RBFOX1: variants seen among roughly 807,000 people sequenced by gnomAD.
RBFOX1 encodes the protein RNA binding protein fox-1 homolog 1.
Under a neutral mutation model 57.7 loss-of-function variants are expected in RBFOX1, and 8 were observed. The ratio of observed to expected loss-of-function variants is 0.14; its 90% CI spans 0.08 to 0.25. The LOEUF (loss-of-function observed/expected upper bound fraction) is 0.25. RBFOX1 is among the 10% of genes least tolerant of loss of function. The pLI is 1.00. For missense variants in RBFOX1, 611 were observed against 548.5 expected (o/e 1.11, Z -1.14); for synonymous variants, 326 against 222.4 (o/e 1.47, Z -4.15).
At chr16:6,450,515 A>T (rs1276849360) in intron 2 of RBFOX1, among the ~76,000 whole-genome samples, 2 of 151,316 alleles carry the variant, frequency 1.3e-5, no homozygotes, top group Admixed American at 6.6e-5. Flanking sequence ...GCCAGCAGGA[A>T]ATGTTGGCCT....
rs181765217 is a variant in RBFOX1, at chr16:6,662,381, A to G, written c.-16+7731A>G. On this transcript the variant is annotated intron_variant, in intron 3 of 15. Transcript: ENST00000550418. ...CACATGTATCAAAAGGTCACATTGT[A>G]TCTGTTAAATATATGCAATTTTTGT... is the stretch of plus-strand genomic sequence containing the variant. 1.5e-3 allele frequency among the ~76,000 whole-genome samples: 236 copies of G among 152,300 alleles called. 1 individual carries two copies. The highest frequency in any genetic ancestry group is 5.5e-3 in the African/African-American group (230 of 41,574).
intron 2 of RBFOX1, among the ~76,000 whole-genome samples, chr16:6,434,070 A>G (rs1436225035): frequency 6.6e-6 from 1 of 150,686 alleles, no homozygotes; most frequent in Admixed American, 6.6e-5. Context: ...CTGGTCTTGA[A>G]CTCCTGACCT....
intron 2 of RBFOX1, among the ~76,000 whole-genome samples, chr16:6,622,020 C>T (rs117698829): frequency 0.015 from 2,325 of 152,222 alleles, 36 homozygotes; most frequent in Non-Finnish European, 0.02. Context: ...CATTTTCAAG[C>T]CTTTACAAGA....
At chr16:6,168,213 A>G (rs1186063818) in intron 1 of RBFOX1, among the ~76,000 whole-genome samples, 1 of 152,222 alleles carries the variant, frequency 6.6e-6, no homozygotes, top group East Asian at 1.9e-4. Context: ...AATAATGCTC[A>G]TAATCTATTA....
chr16:5,244,843 G>A (rs1008548392), intron 1 of RBFOX1, among the ~76,000 whole-genome samples: 1 of 152,244 alleles, frequency 6.6e-6, no homozygotes, highest in Non-Finnish European at 1.5e-5. Context: ...ACAGAGAGGG[G>A]CAGGGTACAC....
chr16:6,003,616 T>C (rs570320803), intron 4 of RBFOX1, among the ~76,000 whole-genome samples: 6 of 152,306 alleles, frequency 3.9e-5, no homozygotes, highest in African/African-American at 1.4e-4. Context: ...ATCACCTACA[T>C]TGGAGTGTGC....
chr16:6,705,634 A>G (rs1374299562), intron 3 of RBFOX1: 2 of 152,168 alleles, frequency 1.3e-5, no homozygotes, highest in African/African-American at 4.8e-5. Flanking sequence ...CCTGATAGCA[A>G]ATATTTTACA....
intron 4 of RBFOX1, among the ~76,000 whole-genome samples, chr16:7,376,266 C>G (rs991281541): frequency 3.9e-5 from 6 of 152,206 alleles, no homozygotes; most frequent in Non-Finnish European, 7.3e-5. Flanking sequence ...TTGCCACTTA[C>G]TTGCTCTTAA....
At chr16:5,855,914 G>C (rs1363173341) in intron 3 of RBFOX1, among the ~76,000 whole-genome samples, 9 of 130,484 alleles carry the variant, frequency 6.9e-5, no homozygotes, top group African/African-American at 2.5e-4. Context: ...ATTAATGTTT[G>C]TTAATGTTTA....
chr16:5,672,026 T>C (rs2050026338), intron 3 of RBFOX1, among the ~76,000 whole-genome samples: 1 of 152,148 alleles, frequency 6.6e-6, no homozygotes, highest in Admixed American at 6.5e-5. Context: ...GTGGAGAGAT[T>C]TGCATCTTTG....
chr16:7,572,042 G>A (rs889279814), intron 5 of RBFOX1, among the ~76,000 whole-genome samples: 1 of 152,076 alleles, frequency 6.6e-6, no homozygotes, highest in African/African-American at 2.4e-5. Context: ...CAGGAGAATC[G>A]CTTGAACCTG....
intron 1 of RBFOX1, among the ~76,000 whole-genome samples, chr16:6,068,574 A>T (rs748642988): frequency 6.6e-6 from 1 of 151,988 alleles, no homozygotes; most frequent in Non-Finnish European, 1.5e-5. Flanking sequence ...GTTTGAAGGG[A>T]CTCCCCAAAC....
Position 6,011,517 on chromosome 16 carries a change from C to T in RBFOX1, c.351+144182C>T, listed in dbSNP as rs183806827. 6.6e-4 allele frequency among the ~76,000 whole-genome samples: 101 copies of T among 152,236 alleles called. No homozygotes were observed. In the East Asian group the frequency reaches 0.018, roughly 28 times the overall value. On this transcript the variant is annotated intron_variant, in intron 4 of 19. Coordinates refer to the RBFOX1 transcript ENST00000641259. Reference sequence around the variant, plus strand: ...TTATTTTCCTCTGAGCCTCAGTTTTCCTTATCTGTAAAATGGGAATAGTAC... The same window carrying T: ...TTATTTTCCTCTGAGCCTCAGTTTTTCTTATCTGTAAAATGGGAATAGTAC...
At chr16:6,310,233 C>T (rs1485968251) in intron 1 of RBFOX1, among the ~76,000 whole-genome samples, 4 of 152,236 alleles carry the variant, frequency 2.6e-5, no homozygotes, top group Middle Eastern at 3.4e-3. Flanking sequence ...CTTGGAATAG[C>T]GGATACAATT....
At chr16:7,115,749 A>G (rs915873178) in intron 4 of RBFOX1, among the ~76,000 whole-genome samples, 1 of 152,166 alleles carries the variant, frequency 6.6e-6, no homozygotes, top group Non-Finnish European at 1.5e-5. Flanking sequence ...CTCATGCTGC[A>G]TTCTTTTCAT....
At chr16:6,386,708 G>A (rs1415845498) in intron 2 of RBFOX1, among the ~76,000 whole-genome samples, 2 of 152,208 alleles carry the variant, frequency 1.3e-5, no homozygotes, top group Non-Finnish European at 2.9e-5. Flanking sequence ...GAACTCAAGT[G>A]ATTATTCACT....
chr16:7,179,103 G>A (rs763219671), intron 4 of RBFOX1, among the ~76,000 whole-genome samples: 4 of 151,844 alleles, frequency 2.6e-5, no homozygotes, highest in Non-Finnish European at 5.9e-5. Context: ...ACTTCGTTTT[G>A]GTCAGATCCC....
chr16:6,475,428 C>T (rs911224692), intron 2 of RBFOX1, among the ~76,000 whole-genome samples: 1 of 152,146 alleles, frequency 6.6e-6, no homozygotes, highest in African/African-American at 2.4e-5. Flanking sequence ...GGTCATTCAC[C>T]TGGTCTTTGT....
chr16:7,179,334 TCCCCTTA>T (rs1370106993), intron 4 of RBFOX1, among the ~76,000 whole-genome samples: 1 of 152,108 alleles, frequency 6.6e-6, no homozygotes, highest in Admixed American at 6.6e-5. Context: ...AGCACCGCTT[TCCCCTTA>T]CCCCTTACCT....
Sources: allele counts gnomAD v4.1 joint callset (sites outside exome capture counted in the v4.1 genomes callset), GRCh38; gene constraint gnomAD v4.1.1; transcripts MANE v1.5; gene names NCBI Gene and HGNC (gene_info 2026-07-23, HGNC 2026-07-21).